Variants in TBC1D31 observed in about 807,000 individuals in gnomAD.
TBC1D31 encodes TBC1 domain family member 31.
A neutral mutation model predicts 132.9 loss-of-function variants in TBC1D31; 99 were observed. That is an observed-to-expected ratio of 0.74 (90% confidence interval 0.63 to 0.88). The LOEUF is 0.88. TBC1D31 is among the 40% of genes least tolerant of loss of function. TBC1D31 has a pLI of 0.00. For synonymous variants in TBC1D31, 385 were observed against 419.4 expected, an observed-to-expected ratio of 0.92 and a Z score of 1.00; for missense variants, 1,134 against 1,256.6, an observed-to-expected ratio of 0.90 and a Z score of 1.48.
At chr8:123,074,847 A>G (rs1563659176) in intron 1 of TBC1D31, 1 of 152,208 alleles carries the variant, frequency 6.6e-6, no homozygotes, top group African/African-American at 2.4e-5. Context: ...GATTTACCAG[A>G]CAGGTTGTCT....
Position 123,144,913 on chromosome 8 carries a change from G to T in TBC1D31, c.2974+58G>T, listed in dbSNP as rs1036008119. On this transcript the variant is annotated intron_variant, in intron 20 of 21. Coordinates refer to ENST00000287380, the MANE Select transcript of TBC1D31 (RefSeq NM_145647.4). ...GTTACAGATTTATTCTTTTAGTAGG[G>T]TCTATTATTATGATTTTTTTTTTTT... The T allele has an allele frequency of 4.7e-6, 7 of 1,484,194 alleles. No homozygotes were observed. The African/African-American group carries it at 8.6e-5, about 18-fold the overall frequency. The allele number at this position is 1,484,194 out of a possible 1,614,324, so 91.9% of individuals were successfully genotyped here.
At chr8:123,078,972 G>A (rs896308407) in intron 2 of TBC1D31, among the ~76,000 whole-genome samples, 6 of 152,170 alleles carry the variant, frequency 3.9e-5, no homozygotes, top group Admixed American at 1.3e-4. Context: ...AAATTTGTGT[G>A]CCACCTGATA....
chr8:123,152,700 T>A (rs1228889692), downstream of TBC1D31, among the ~76,000 whole-genome samples: 1 of 152,052 alleles, frequency 6.6e-6, no homozygotes, highest in African/African-American at 2.4e-5. Flanking sequence ...GTGAAACCCT[T>A]TCTCTACTAA....
chr8:123,115,165 G>A (rs532022345), intron 10 of TBC1D31, among the ~76,000 whole-genome samples: 1 of 152,228 alleles, frequency 6.6e-6, no homozygotes. Context: ...TGCCAACCCT[G>A]GGAAATGCCA....
intron 1 of TBC1D31, chr8:123,073,351 G>A (rs1739191389): frequency 4.4e-6 from 2 of 456,442 alleles, no homozygotes; most frequent in Non-Finnish European, 8.8e-6. Context: ...CTCCTACTGT[G>A]TGCCAAGCAC....
chr8:123,119,731 AAAG>A (rs1409268558), intron 10 of TBC1D31, among the ~76,000 whole-genome samples: 1 of 152,224 alleles, frequency 6.6e-6, no homozygotes, highest in African/African-American at 2.4e-5. Context: ...AAAAGAAAAA[AAAG>A]AAATGAAGGT....
downstream of TBC1D31, among the ~76,000 whole-genome samples, chr8:123,154,285 A>G (rs10099669): frequency 6.6e-6 from 1 of 152,216 alleles, no homozygotes; most frequent in Non-Finnish European, 1.5e-5. Context: ...CTAAACTATG[A>G]TGGGAGCAAC....
the TBC1D31 span, among the ~76,000 whole-genome samples, chr8:123,159,930 T>C: frequency 1.3e-5 from 2 of 152,084 alleles, no homozygotes; most frequent in Non-Finnish European, 2.9e-5. Flanking sequence ...CACAGAAAAA[T>C]TGCAAAGATA....
chr8:123,123,814 C>T (rs1586680503), intron 11 of TBC1D31: 1 of 152,160 alleles, frequency 6.6e-6, no homozygotes, highest in African/African-American at 2.4e-5. Flanking sequence ...TGTACAGTGT[C>T]TTTTTTTGTA....
At chr8:123,151,506 C>A (rs1344581614) in intron 21 of TBC1D31, among the ~76,000 whole-genome samples, 1 of 152,172 alleles carries the variant, frequency 6.6e-6, no homozygotes, top group African/African-American at 2.4e-5. Flanking sequence ...TGTGAGGAAG[C>A]TTACAGTTGC....
At chr8:123,129,415 T>C (rs1164104141) in intron 15 of TBC1D31, among the ~76,000 whole-genome samples, 197 bp downstream of exon 15, 3 of 152,240 alleles carry the variant, frequency 2.0e-5, no homozygotes, top group Non-Finnish European at 4.4e-5. Context: ...TGTAGTAAAA[T>C]GTAATTCTGA....
intron 1 of TBC1D31, among the ~76,000 whole-genome samples, chr8:123,074,106 A>G (rs1349367053): frequency 6.6e-6 from 1 of 151,242 alleles, no homozygotes; most frequent in Non-Finnish European, 1.5e-5. Flanking sequence ...ATCTCGGCTC[A>G]CTGCAACCTC....
At chr8:123,072,883 G>A in intron 1 of TBC1D31, 37 bp downstream of exon 1, 1 of 1,544,586 alleles carries the variant, frequency 6.5e-7, no homozygotes, top group South Asian at 1.2e-5. Context: ...GCTGTGGAGG[G>A]GATGGAGACC....
chr8:123,076,247 C>T (rs1563661027), intron 1 of TBC1D31, among the ~76,000 whole-genome samples: 2 of 152,058 alleles, frequency 1.3e-5, no homozygotes, highest in Admixed American at 1.3e-4. Flanking sequence ...ATCACAGGCA[C>T]ATGCACCATG....
intron 10 of TBC1D31, among the ~76,000 whole-genome samples, chr8:123,113,489 A>G (rs1168018265): frequency 6.6e-6 from 1 of 152,182 alleles, no homozygotes; most frequent in African/African-American, 2.4e-5. Context: ...AAATTATCAG[A>G]GAAATAATTT....
In TBC1D31 at chr8:123,147,851, G is replaced by A. The variant is rs116211622; in HGVS notation, c.2975-2185G>A. Among the ~76,000 whole-genome samples the A allele has an allele frequency of 5.3e-3, 810 of 152,134 alleles. 9 individuals are homozygous for A. Among genetic ancestry groups the A allele is most frequent in the African/African-American group, 0.019 (770 of 41,502 alleles). On this transcript the variant is annotated intron_variant, in intron 20 of 21. Transcript: ENST00000287380. ...TTAAGAAAATGACATTTTTGAGCCC[G>A]GCGCGGTGGCTCACTCCTGTAATCC...
intron 21 of TBC1D31, among the ~76,000 whole-genome samples, chr8:123,150,897 T>C (rs1005579804): frequency 1.3e-5 from 2 of 152,248 alleles, no homozygotes; most frequent in Non-Finnish European, 2.9e-5. Flanking sequence ...TTTAACAAGA[T>C]CTTTTGACTT....
chr8:123,083,714 T>A (rs1441598197), intron 3 of TBC1D31: 1 of 153,598 alleles, frequency 6.5e-6, no homozygotes, highest in Non-Finnish European at 1.4e-5. Flanking sequence ...ATTTGTTCTT[T>A]TCTCCATTGC....
intron 17 of TBC1D31, among the ~76,000 whole-genome samples, chr8:123,135,175 C>G (rs948564234): frequency 6.6e-6 from 1 of 152,212 alleles, no homozygotes; most frequent in Non-Finnish European, 1.5e-5. Flanking sequence ...GCTAGGATTA[C>G]AGGCATGAGC....
Sources: gnomAD v4.1 joint callset for allele counts (sites outside exome capture counted in the v4.1 genomes callset) on GRCh38, gnomAD v4.1.1 for gene constraint, MANE v1.5 for transcripts, NCBI Gene and HGNC (gene_info 2026-07-23, HGNC 2026-07-21) for gene names.